Variants in RNF180 observed in about 807,000 individuals in gnomAD.
RNF180 encodes E3 ubiquitin-protein ligase RNF180.
In RNF180, 38 loss-of-function variants were observed where a neutral mutation model predicts 59.2. The observed-to-expected ratio is 0.64, with a 90% CI of 0.50 to 0.84. The LOEUF (loss-of-function observed/expected upper bound fraction) is 0.84. Ranked by LOEUF, RNF180 falls within the 40% of genes least tolerant of loss-of-function variation. The pLI, the probability that RNF180 is intolerant of heterozygous loss-of-function variation, is 0.00. For missense variants in RNF180, 705 were observed against 700.9 expected, an observed-to-expected ratio of 1.01 and a Z score of -0.07; for synonymous variants, 262 against 240.3, an observed-to-expected ratio of 1.09 and a Z score of -0.84.
intron 5 of RNF180, among the ~76,000 whole-genome samples, chr5:64,317,208 C>G (rs143077917): frequency 6.2e-4 from 94 of 152,184 alleles, no homozygotes; most frequent in Non-Finnish European, 1.2e-3. Flanking sequence ...GGTTTGGTTC[C>G]AGACCATCAC....
intron 7 of RNF180, among the ~76,000 whole-genome samples, chr5:64,345,431 T>G (rs1187554922): frequency 6.6e-6 from 1 of 152,208 alleles, no homozygotes; most frequent in East Asian, 1.9e-4. Context: ...TTTCTTGGTC[T>G]CTGGCATAAC....
chr5:64,192,220 A>G (rs577060674), intron 1 of RNF180, among the ~76,000 whole-genome samples: 40 of 151,868 alleles, frequency 2.6e-4, no homozygotes, highest in African/African-American at 9.2e-4. Context: ...AAGGGTTCTT[A>G]ATATCAGTAA....
intron 5 of RNF180, among the ~76,000 whole-genome samples, chr5:64,230,347 G>T (rs1742025245): frequency 6.6e-6 from 1 of 152,346 alleles, no homozygotes; most frequent in East Asian, 1.9e-4. Flanking sequence ...CTAAAATCAA[G>T]GTGTTAGCAG....
chr5:64,269,634 A>G (rs1744894118), intron 5 of RNF180, among the ~76,000 whole-genome samples: 1 of 152,164 alleles, frequency 6.6e-6, no homozygotes, highest in Non-Finnish European at 1.5e-5. Flanking sequence ...ATAATAAGCC[A>G]CATTTAAGCT....
intron 1 of RNF180, among the ~76,000 whole-genome samples, chr5:64,187,605 G>A (rs576234464): frequency 2.0e-4 from 31 of 152,280 alleles, no homozygotes; most frequent in African/African-American, 7.5e-4. Context: ...CATTACTGCA[G>A]CATAGAATTA....
chr5:64,369,526 A>G, intron 7 of RNF180, 89 bp from the exon 8 acceptor site: 1 of 712,466 alleles, frequency 1.4e-6, no homozygotes, highest in Non-Finnish European at 2.1e-6. Flanking sequence ...AAATCAGGAT[A>G]TGCTTTGTTT....
In RNF180 at chr5:64,336,758, C is replaced by A. The variant is rs142373422; in HGVS notation, c.1579+6352C>A. Among the ~76,000 whole-genome samples, 538 of 152,088 alleles carry A rather than the reference C, an allele frequency of 3.5e-3. 3 individuals carry two copies. The highest frequency in any genetic ancestry group is 0.013 in the African/African-American group (522 of 41,486). ...TTATTTTACTATGGGGGTTTCTGCC[C>A]TTATTGGTTTTATAAAATTTCTTTT... On this transcript the variant is annotated intron_variant, in intron 7 of 7. Coordinates refer to ENST00000389100, the MANE Select transcript of RNF180 (RefSeq NM_001113561.2).
intron 6 of RNF180, among the ~76,000 whole-genome samples, chr5:64,330,074 A>C (rs762163090): frequency 2.8e-4 from 43 of 152,228 alleles, no homozygotes; most frequent in Non-Finnish European, 5.0e-4. Flanking sequence ...ATGTGTAGGC[A>C]TGTCAAAGTT....
In RNF180 at chr5:64,214,106, A is replaced by G. The variant is rs1357587776; in HGVS notation, c.780A>G (p.Glu260=). Residue 260 remains glutamate, a synonymous_variant, in exon 4 of 8, where the codon GAA becomes GAG. Transcript: ENST00000389100. ...SKTTAYSRLN[E]TQPIDLSGLP... Reference sequence around the variant, plus strand: ...CTACTGCCTATTCCAGACTAAATGAAACACAGCCTATTGACCTTTCAGGCT... The same window carrying G: ...CTACTGCCTATTCCAGACTAAATGAGACACAGCCTATTGACCTTTCAGGCT... The G allele has an allele frequency of 6.2e-7, 1 of 1,614,014 alleles. No individual in the cohort carries two copies. Among genetic ancestry groups the G allele is most frequent in the East Asian group, 2.2e-5 (1 of 44,896 alleles).
intron 7 of RNF180, among the ~76,000 whole-genome samples, chr5:64,369,010 C>T (rs187908994): frequency 2.0e-5 from 3 of 152,094 alleles, no homozygotes; most frequent in East Asian, 1.9e-4. Context: ...CACGTGCACA[C>T]GTATGTTTAT....
At chr5:64,289,870 T>C (rs73103167) in intron 5 of RNF180, among the ~76,000 whole-genome samples, 26,613 of 152,100 alleles carry the variant, frequency 0.17, 2,437 homozygotes, top group Middle Eastern at 0.27. Context: ...TTGAAAGGTT[T>C]TTTTTATGTC....
At chr5:64,167,321 A>C (rs1344095929) in intron 1 of RNF180, among the ~76,000 whole-genome samples, 2 of 152,146 alleles carry the variant, frequency 1.3e-5, no homozygotes, top group African/African-American at 4.8e-5. Context: ...GTTATGTTGT[A>C]CTTTATCTCT....
chr5:64,227,099 G>T (rs187087343), intron 5 of RNF180, among the ~76,000 whole-genome samples: 1 of 152,168 alleles, frequency 6.6e-6, no homozygotes, highest in Non-Finnish European at 1.5e-5. Context: ...CGGCTCCCTC[G>T]CTGGGAGGCA....
At position 64,370,150 on chromosome 5, in the gene RNF180, A is replaced by G. The variant is rs888901472; in HGVS notation, c.*336A>G. The G allele has an allele frequency of 1.9e-5, 3 of 159,752 alleles. No homozygotes were observed. The highest frequency in any genetic ancestry group is 7.2e-5 in the African/African-American group (3 of 41,738). 9.9% of individuals were successfully genotyped at this position (159,752 alleles called of 1,614,324 possible). On this transcript the variant is annotated 3_prime_UTR_variant, in exon 8 of 8. Transcript: ENST00000389100. ...AGTTTTCTCTCCACTTAAAAATAGT[A>G]AAAATACAAAAAGAAATGATAATCT...
chr5:64,326,266 A>C (rs1744636964), intron 6 of RNF180, among the ~76,000 whole-genome samples: 1 of 152,182 alleles, frequency 6.6e-6, no homozygotes, highest in African/African-American at 2.4e-5. Flanking sequence ...TGGTAAAAAA[A>C]AAATTATACT....
At chr5:64,227,069 A>G (rs933764353) in intron 5 of RNF180, among the ~76,000 whole-genome samples, 3 of 152,144 alleles carry the variant, frequency 2.0e-5, no homozygotes, top group African/African-American at 7.2e-5. Flanking sequence ...AAGGGCAGAC[A>G]CTCACGAGAT....
intron 5 of RNF180, among the ~76,000 whole-genome samples, chr5:64,324,249 C>T (rs1159419156): frequency 6.6e-6 from 1 of 152,188 alleles, no homozygotes; most frequent in African/African-American, 2.4e-5. Flanking sequence ...CCTGGCAGCT[C>T]AGGGTACAAG....
Position 64,214,132 on chromosome 5 carries a change from T to G in RNF180, c.806T>G (p.Leu269Trp). 1 of 1,614,152 alleles carries G rather than the reference T, an allele frequency of 6.2e-7. No homozygotes were observed. The highest frequency in any genetic ancestry group is 8.5e-7 in the Non-Finnish European group (1 of 1,180,022). Residue 269 changes from leucine to tryptophan, a missense_variant, in exon 4 of 8, where the codon TTG becomes TGG. By Grantham distance (61) the Leu-to-Trp change is moderately conservative (BLOSUM62 -2). Coordinates refer to ENST00000389100, the MANE Select transcript of RNF180 (RefSeq NM_001113561.2). The part of the protein sequence containing the change: ...NETQPIDLSG[L>W]PLQSSKNSYS... ...ACACAGCCTATTGACCTTTCAGGCTTGCCTTTACAATCTAGTAAAAATAGC... is the reference window on the plus strand; with the variant it reads ...ACACAGCCTATTGACCTTTCAGGCTGGCCTTTACAATCTAGTAAAAATAGC...
At chr5:64,243,043 A>G (rs1293980026) in intron 5 of RNF180, among the ~76,000 whole-genome samples, 1 of 152,210 alleles carries the variant, frequency 6.6e-6, no homozygotes, top group Non-Finnish European at 1.5e-5. Context: ...CTTGAGGAAC[A>G]GTGCACTCTG....
Sources: gnomAD v4.1 joint callset for allele counts (sites outside exome capture counted in the v4.1 genomes callset) on GRCh38, gnomAD v4.1.1 for gene constraint, MANE v1.5 for transcripts, NCBI Gene and HGNC (gene_info 2026-07-23, HGNC 2026-07-21) for gene names.